The following ZNF136 variants were observed in gnomAD, a reference collection of about 807,000 sequenced individuals.
ZNF136 encodes zinc finger protein 136 (clone pHZ-20).
Under a neutral mutation model 11.4 loss-of-function variants are expected in ZNF136, and 8 were observed. The observed-to-expected ratio is 0.70, with a 90% CI of 0.41 to 1.27. The LOEUF is 1.27. ZNF136 is among the 50% of genes most tolerant of loss of function. The pLI, the probability that ZNF136 is intolerant of heterozygous loss-of-function variation, is 0.01. For synonymous variants in ZNF136, 190 were observed against 207.1 expected (o/e 0.92, Z 0.71); for missense variants, 590 against 656.5 (o/e 0.90, Z 1.11).
chr19:12,170,641 C>G (rs1351366892), intron 1 of ZNF136, among the ~76,000 whole-genome samples: 4 of 151,670 alleles, frequency 2.6e-5, no homozygotes, highest in Non-Finnish European at 5.9e-5. Flanking sequence ...TAGGCATGAG[C>G]CACTGTGCCC....
At position 12,188,297 on chromosome 19, in the gene ZNF136, C is replaced by T. The variant is rs1915171878; in HGVS notation, c.*296C>T. ...TAGGAAAGGTTTTGTCATCACACAACCCTGTCACACATGAATGTGTAGTGG... is the reference window on the plus strand; with the variant it reads ...TAGGAAAGGTTTTGTCATCACACAATCCTGTCACACATGAATGTGTAGTGG... On this transcript the variant is annotated 3_prime_UTR_variant, in exon 4 of 4. Coordinates refer to ENST00000343979, the MANE Select transcript of ZNF136 (RefSeq NM_003437.5). 4.1e-6 allele frequency: 1 copy of T among 245,864 alleles called. No homozygotes were observed. The highest frequency in any genetic ancestry group is 7.8e-6 in the Non-Finnish European group (1 of 128,100). The allele number at this position is 245,864 out of a possible 1,614,324, so 15.2% of individuals were successfully genotyped here.
chr19:12,179,850 T>C (rs1448438677), intron 1 of ZNF136, among the ~76,000 whole-genome samples: 1 of 152,172 alleles, frequency 6.6e-6, no homozygotes, highest in Non-Finnish European at 1.5e-5. Flanking sequence ...AGTTGAAATA[T>C]ATAAATTCTA....
Position 12,187,912 on chromosome 19 carries a change from G to T in ZNF136, c.1534G>T (p.Ala512Ser). Reference protein sequence around the residue: ...KPYHCKECGKAYSCRASFQRH... With the variant: ...KPYHCKECGKSYSCRASFQRH... ...CTATCATTGCAAGGAATGTGGGAAA[G>T]CCTATTCTTGCCGTGCCAGCTTTCA... The change falls in exon 4 of 4, where the codon GCC (alanine) becomes TCC (serine). Residue 512 changes from alanine to serine, a missense_variant. Physicochemically the swap from Ala to Ser is moderately conservative, Grantham distance 99. Transcript: ENST00000343979. The T allele has an allele frequency of 6.3e-7, 1 of 1,581,900 alleles. No individual in the cohort carries two copies. The highest frequency in any genetic ancestry group is 1.4e-5 in the African/African-American group (1 of 73,316).
At chr19:12,165,479 A>G (rs1008824549) in intron 1 of ZNF136, among the ~76,000 whole-genome samples, 2 of 152,218 alleles carry the variant, frequency 1.3e-5, no homozygotes, top group African/African-American at 4.8e-5. Flanking sequence ...TTCAGGGGGA[A>G]AGAGATTAGT....
chr19:12,179,658 GC>G (rs1258057562), intron 1 of ZNF136, among the ~76,000 whole-genome samples: 2 of 151,962 alleles, frequency 1.3e-5, no homozygotes, highest in Non-Finnish European at 2.9e-5. Flanking sequence ...TGTATTGATT[GC>G]TATTCAAAGC....
At chr19:12,167,668 T>C (rs913243638) in intron 1 of ZNF136, among the ~76,000 whole-genome samples, 7 of 152,312 alleles carry the variant, frequency 4.6e-5, no homozygotes, top group Non-Finnish European at 8.8e-5. Flanking sequence ...AAGACCAGCC[T>C]GACCAACATG....
intron 1 of ZNF136, among the ~76,000 whole-genome samples, chr19:12,168,878 A>G (rs1231964125): frequency 2.0e-5 from 3 of 151,918 alleles, no homozygotes; most frequent in East Asian, 1.9e-4. Flanking sequence ...GGGTTTTACC[A>G]TGTTGGCCAC....
At chr19:12,165,207 CGCGTAATG>C (rs1383659404) in intron 1 of ZNF136, among the ~76,000 whole-genome samples, 1 of 152,158 alleles carries the variant, frequency 6.6e-6, no homozygotes, top group Non-Finnish European at 1.5e-5. Flanking sequence ...TACACAGTGT[CGCGTAATG>C]CAGTGTCTCT....
chr19:12,187,064 G>A lies in ZNF136; in HGVS notation c.686G>A (p.Cys229Tyr). 6.2e-7 allele frequency: 1 copy of A among 1,614,152 alleles called. No individual in the cohort carries two copies. The highest frequency in any genetic ancestry group is 8.5e-7 in the Non-Finnish European group (1 of 1,180,018). Residue 229 changes from cysteine to tyrosine, a missense_variant, in exon 4 of 4, where the codon TGT becomes TAT. Cys to Tyr is a radical substitution (Grantham distance 194). Transcript: ENST00000343979. ...GAGAAACCCTATGAATGTCAGGAAT[G>A]TGGAAAAGCCTTCACTTGTATCACA... ...TGEKPYECQE[C>Y]GKAFTCITSV...
chr19:12,187,506 C>T lies in ZNF136; in HGVS notation c.1128C>T (p.Ile376=). 2.5e-6 allele frequency: 4 copies of T among 1,613,064 alleles called. No individual in the cohort carries two copies. Among genetic ancestry groups the T allele is most frequent in the East Asian group, 2.2e-5 (1 of 44,734 alleles). The change falls in exon 4 of 4, where the codon ATC becomes ATT. Residue 376 remains isoleucine (I), a synonymous_variant. Transcript: ENST00000343979. ...CKECGEAFSC[I]PSMRRHMIKH... is the part of the protein sequence containing the mutation. ...AATGTGGGGAAGCATTCAGTTGTAT[C>T]CCAAGTATGCGAAGACACATGATAA...
chr19:12,186,502 C>G, intron 3 of ZNF136, 68 bp from the exon 4 acceptor site: 2 of 1,299,614 alleles, frequency 1.5e-6, no homozygotes, highest in Non-Finnish European at 1.1e-6. Flanking sequence ...ATTGAAAATG[C>G]AAGTTTAATA....
At chr19:12,175,575 C>T (rs2145633653) in intron 1 of ZNF136, among the ~76,000 whole-genome samples, 1 of 152,278 alleles carries the variant, frequency 6.6e-6, no homozygotes, top group South Asian at 2.1e-4. Context: ...GCCCCCTATT[C>T]CCACTCAGTC....
At chr19:12,185,984 G>T (rs1416845958) in intron 2 of ZNF136, 73 bp downstream of exon 2, 8 of 1,603,942 alleles carry the variant, frequency 5.0e-6, no homozygotes, top group Admixed American at 1.7e-5. Flanking sequence ...CTGTTCCATG[G>T]TTTGCATCAT....
intron 1 of ZNF136, among the ~76,000 whole-genome samples, chr19:12,168,142 G>T (rs953551618): frequency 7.7e-6 from 1 of 130,094 alleles, no homozygotes; most frequent in Non-Finnish European, 1.6e-5. Context: ...GCGCGATCCC[G>T]GCTCACTCTG....
At chr19:12,185,983 G>A in intron 2 of ZNF136, 72 bp downstream of exon 2, 4 of 1,607,164 alleles carry the variant, frequency 2.5e-6, no homozygotes, top group Non-Finnish European at 3.4e-6. Context: ...GCTGTTCCAT[G>A]GTTTGCATCA....
At chr19:12,170,118 C>T (rs546930721) in intron 1 of ZNF136, among the ~76,000 whole-genome samples, 5 of 147,094 alleles carry the variant, frequency 3.4e-5, no homozygotes, top group Admixed American at 1.4e-4. Flanking sequence ...TTAGTAGAGA[C>T]GGGGTTTCGC....
intron 1 of ZNF136, among the ~76,000 whole-genome samples, chr19:12,176,030 C>T (rs1914782172): frequency 6.6e-6 from 1 of 152,114 alleles, no homozygotes; most frequent in South Asian, 2.1e-4. Context: ...ATTTTTAGTA[C>T]CTCCATTGTC....
chr19:12,163,493 G>A (rs951122352), intron 1 of ZNF136, among the ~76,000 whole-genome samples: 1 of 152,220 alleles, frequency 6.6e-6, no homozygotes, highest in Non-Finnish European at 1.5e-5. Context: ...ATGGGGTGGG[G>A]GAAATCCTGA....
In ZNF136 at chr19:12,163,193, G is replaced by T; in HGVS notation, c.-11G>T. 1 of 1,401,172 alleles carries T rather than the reference G, an allele frequency of 7.1e-7. No homozygotes were observed. The highest frequency in any genetic ancestry group is 9.3e-7 in the Non-Finnish European group (1 of 1,071,404). The allele number at this position is 1,401,172 out of a possible 1,614,324, so 86.8% of individuals were successfully genotyped here. A position where few individuals can be genotyped will look rare whatever the true frequency, so the allele number is the denominator to read the frequency against. On this transcript the variant is annotated 5_prime_UTR_variant, in exon 1 of 4. Coordinates refer to ENST00000343979, the MANE Select transcript of ZNF136 (RefSeq NM_003437.5). ...CGGAGGGAGGAAGCTGGGACACCCG[G>T]GAGTCAGGAAATGGTGAGTGTGTCG...
Sources: allele counts gnomAD v4.1 joint callset (sites outside exome capture counted in the v4.1 genomes callset), GRCh38; gene constraint gnomAD v4.1.1; transcripts MANE v1.5; gene names NCBI Gene and HGNC (gene_info 2026-07-23, HGNC 2026-07-21).